The following MROH7 variants were observed in gnomAD, a reference collection of about 807,000 sequenced individuals.
MROH7 encodes the protein maestro heat like repeat family member 7.
In MROH7, 113 loss-of-function variants were observed where a neutral mutation model predicts 129.2. The ratio of observed to expected loss-of-function variants is 0.87; its 90% CI spans 0.75 to 1.02. The LOEUF (loss-of-function observed/expected upper bound fraction) is 1.02. Among genes scored for constraint, MROH7 ranks in the 50% least tolerant of loss-of-function variants. The pLI is 0.00. For synonymous variants in MROH7, 655 were observed against 667.9 expected (o/e 0.98, Z 0.30); for missense variants, 1,601 against 1,671.3 (o/e 0.96, Z 0.73).
intron 14 of MROH7, 43 bp downstream of exon 14, chr1:54,682,837 C>T: frequency 6.3e-7 from 1 of 1,591,798 alleles, no homozygotes; most frequent in Admixed American, 1.7e-5. Context: ...CCTGTCCTGC[C>T]CTTCCTCTCT....
At chr1:54,648,430 A>G (rs892645119) in intron 1 of MROH7, among the ~76,000 whole-genome samples, 3 of 151,674 alleles carry the variant, frequency 2.0e-5, no homozygotes, top group Non-Finnish European at 4.4e-5. Context: ...CAGTGGCGCA[A>G]TCTCGGCTCA....
intron 21 of MROH7, among the ~76,000 whole-genome samples, chr1:54,704,289 A>T (rs1464171969): frequency 6.6e-6 from 1 of 152,092 alleles, no homozygotes; most frequent in African/African-American, 2.4e-5. Context: ...GCAGATAATC[A>T]TGAGTGGTGT....
chr1:54,646,290 G>A (rs770584396), intron 1 of MROH7, among the ~76,000 whole-genome samples: 8 of 152,088 alleles, frequency 5.3e-5, no homozygotes, highest in Admixed American at 2.0e-4. Flanking sequence ...AAGGGATTGG[G>A]GCTCCCCACT....
rs773181857 is a variant in MROH7 at position 54,673,747 on chromosome 1, G to A, written c.1742G>A (p.Arg581Gln). Residue 581 changes from arginine to glutamine, a missense_variant, in exon 9 of 24, where the codon CGG (arginine) becomes CAG (glutamine). Coordinates refer to ENST00000421030, the MANE Select transcript of MROH7 (RefSeq NM_001039464.4). ...TCTGGGAAGGCCCATGAGCGAGCAC[G>A]GGCTGTGAACACCAATGTCTCTGTG... Reference protein sequence around the residue: ...MNSGKAHERARAVNTNVSVLN... With the variant: ...MNSGKAHERAQAVNTNVSVLN... The A allele has an allele frequency of 5.0e-6, 8 of 1,614,034 alleles. No individual in the cohort carries two copies. Among genetic ancestry groups the A allele is most frequent in the South Asian group, 3.3e-5 (3 of 91,088 alleles).
At chr1:54,700,277 C>A in intron 17 of MROH7, 44 bp from the exon 18 acceptor site, 1 of 1,613,136 alleles carries the variant, frequency 6.2e-7, no homozygotes, top group Non-Finnish European at 8.5e-7. Context: ...GGGGGCTGCC[C>A]TGCCCCCCTC....
chr1:54,649,786 AG>A (rs1304696868), intron 1 of MROH7, among the ~76,000 whole-genome samples: 2 of 152,240 alleles, frequency 1.3e-5, no homozygotes, highest in African/African-American at 2.4e-5. Context: ...GAGATCATTA[AG>A]GGAAGATTCA....
intron 1 of MROH7, chr1:54,651,170 G>A (rs888559859): frequency 1.3e-5 from 2 of 152,412 alleles, no homozygotes; most frequent in Non-Finnish European, 1.5e-5. Flanking sequence ...AAAGAAGAGA[G>A]AAAAATAATG....
rs773181857 is a variant in MROH7, at chr1:54,673,747, G to C, written c.1742G>C (p.Arg581Pro). The change falls in exon 9 of 24, where the codon CGG (arginine) becomes CCG (proline). Residue 581 changes from arginine (R) to proline (P), a missense_variant. Coordinates refer to ENST00000421030, the MANE Select transcript of MROH7 (RefSeq NM_001039464.4). ...MNSGKAHERA[R>P]AVNTNVSVLN... is the part of the protein sequence containing the mutation. ...TCTGGGAAGGCCCATGAGCGAGCAC[G>C]GGCTGTGAACACCAATGTCTCTGTG... is the stretch of plus-strand genomic sequence containing the variant. The C allele has an allele frequency of 6.2e-7, 1 of 1,614,152 alleles. No homozygotes were observed. The highest frequency in any genetic ancestry group is 2.2e-5 in the East Asian group (1 of 44,850).
At chr1:54,694,975 TAAC>T (rs1171917267) in intron 16 of MROH7, among the ~76,000 whole-genome samples, 1 of 152,164 alleles carries the variant, frequency 6.6e-6, no homozygotes, top group African/African-American at 2.4e-5. Flanking sequence ...ATGGGGATAA[TAAC>T]AGCAACCTGC....
At chr1:54,690,284 G>A (rs1256345186) in intron 15 of MROH7, among the ~76,000 whole-genome samples, 1 of 151,400 alleles carries the variant, frequency 6.6e-6, no homozygotes, top group Non-Finnish European at 1.5e-5. Context: ...AGGGAAATGA[G>A]GCCTGGGATC....
intron 17 of MROH7, among the ~76,000 whole-genome samples, chr1:54,696,894 A>G (rs1318198811): frequency 2.0e-5 from 3 of 151,372 alleles, no homozygotes; most frequent in Non-Finnish European, 4.4e-5. Context: ...CTGGTCTCGA[A>G]CTCCTGACCT....
rs983817992 is a variant in MROH7, at chr1:54,709,289, G to A, written c.3730+213G>A. ...GGCTGGAGTGCAGTGGCACAATCTC[G>A]GCTCACTGCAACCTCTCGCTCCTGG... On this transcript the variant is annotated intron_variant, in intron 23 of 23. Transcript: ENST00000421030. Among the ~76,000 whole-genome samples, 3 of 152,114 alleles carry A rather than the reference G, an allele frequency of 2.0e-5. No homozygotes were observed. In the East Asian group the frequency reaches 5.8e-4, roughly 29 times the overall value.
intron 22 of MROH7, 106 bp downstream of exon 22, chr1:54,706,643 C>T: frequency 2.5e-6 from 2 of 805,226 alleles, no homozygotes; most frequent in Non-Finnish European, 4.1e-6. Flanking sequence ...GGATGCTTCC[C>T]TTTGGGTGCA....
intron 3 of MROH7, among the ~76,000 whole-genome samples, chr1:54,655,365 C>CATTTT (rs1553169541): frequency 1.3e-5 from 2 of 151,648 alleles, no homozygotes; most frequent in Non-Finnish European, 2.9e-5. Context: ...TAGTAGATAA[C>CATTTT]ATTTTATTTT....
In MROH7 at chr1:54,682,765, G is replaced by A; in HGVS notation, c.2491G>A (p.Glu831Lys). Residue 831 changes from glutamate (E) to lysine (K), a missense_variant, in exon 14 of 24, where the codon GAG (glutamate) becomes AAG (lysine). By Grantham distance (56) the Glu-to-Lys change is moderately conservative (BLOSUM62 1). Coordinates refer to ENST00000421030, the MANE Select transcript of MROH7 (RefSeq NM_001039464.4). ...CCTGAAGGAGAAGCCCGTCACCAAG[G>A]AGGGCCGGGCTTCCATCGTGCCCCT... Reference protein sequence around the residue: ...GSLKEKPVTKEGRASIVPLAA... With the variant: ...GSLKEKPVTKKGRASIVPLAA... 1.2e-6 allele frequency: 2 copies of A among 1,613,646 alleles called. No individual in the cohort carries two copies. The highest frequency in any genetic ancestry group is 1.3e-5 in the African/African-American group (1 of 75,060).
rs771071220 is a variant in MROH7, at chr1:54,701,187, G to A, written c.3150G>A (p.Leu1050=). 4 of 1,614,074 alleles carry A rather than the reference G, an allele frequency of 2.5e-6. No individual in the cohort carries two copies. The highest frequency in any genetic ancestry group is 2.7e-5 in the African/African-American group (2 of 74,950). ...TCCTGCCCTCCATGGTGAAGGGCCT[G>A]AAGAACATGGATGGGATGCTGGTGG... is the stretch of plus-strand genomic sequence containing the variant. ...KALLPSMVKG[L]KNMDGMLVVE... The change falls in exon 19 of 24, where the codon CTG becomes CTA. Residue 1050 remains leucine (L), a synonymous_variant. Transcript: ENST00000421030.
In MROH7 at chr1:54,674,266, A is replaced by G. The variant is rs1382367861; in HGVS notation, c.1936+115A>G. Reference sequence around the variant, plus strand: ...AAGGCACTGGTGGGAGATGGGGGAAACCAGCACAGGGCCAGATGGGGACTG... The same window carrying G: ...AAGGCACTGGTGGGAGATGGGGGAAGCCAGCACAGGGCCAGATGGGGACTG... On this transcript the variant is annotated intron_variant, in intron 10 of 23. Coordinates refer to ENST00000421030, the MANE Select transcript of MROH7 (RefSeq NM_001039464.4). The G allele has an allele frequency of 2.5e-5, 31 of 1,222,462 alleles. No homozygotes were observed. In the East Asian group the frequency reaches 3.1e-4, roughly 12 times the overall value. 75.7% of individuals were successfully genotyped at this position (1,222,462 alleles called of 1,614,324 possible). A position where few individuals can be genotyped will look rare whatever the true frequency, so the allele number is the denominator to read the frequency against.
In MROH7 at chr1:54,682,217, A is replaced by T. The variant is rs1308673440; in HGVS notation, c.2382-439A>T. ...GCTCTTTTCTCCCAGGCTGGAGTGC[A>T]CTGCTGGCGTGATCTTGGTTCACTG... is the stretch of plus-strand genomic sequence containing the variant. On this transcript the variant is annotated intron_variant, in intron 13 of 23. Transcript: ENST00000421030. Among the ~76,000 whole-genome samples, 4 of 141,960 alleles carry T rather than the reference A, an allele frequency of 2.8e-5. No individual in the cohort carries two copies. The East Asian group carries it at 8.2e-4, about 29-fold the overall frequency. 93.1% of individuals were successfully genotyped at this position (141,960 alleles called of 152,430 possible). A position where few individuals can be genotyped will look rare whatever the true frequency, so the allele number is the denominator to read the frequency against.
At position 54,695,432 on chromosome 1, in the gene MROH7, C is replaced by T. The variant is rs369706916; in HGVS notation, c.2906C>T (p.Pro969Leu). The change falls in exon 17 of 24, where the codon CCG becomes CTG. Residue 969 changes from proline to leucine, a missense_variant. By Grantham distance (98) the Pro-to-Leu change is moderately conservative (BLOSUM62 -3). Coordinates refer to ENST00000421030, the MANE Select transcript of MROH7 (RefSeq NM_001039464.4). Reference sequence around the variant, plus strand: ...TGCCGCATCCTCTACCTGCTCATCCCGCTCCTGGAGCGAGGCGACGAGAAG... The same window carrying T: ...TGCCGCATCCTCTACCTGCTCATCCTGCTCCTGGAGCGAGGCGACGAGAAG... The part of the protein sequence containing the change: ...ELCRILYLLI[P>L]LLERGDEKHR... 9.9e-6 allele frequency: 16 copies of T among 1,613,764 alleles called. No homozygotes were observed. Among genetic ancestry groups the T allele is most frequent in the African/African-American group, 2.7e-5 (2 of 74,932 alleles).
Sources: gnomAD v4.1 joint callset for allele counts (sites outside exome capture counted in the v4.1 genomes callset) on GRCh38, gnomAD v4.1.1 for gene constraint, MANE v1.5 for transcripts, NCBI Gene and HGNC (gene_info 2026-07-23, HGNC 2026-07-21) for gene names.